The following HNRNPA2B1 variants were observed in gnomAD, a reference collection of about 807,000 sequenced individuals.
HNRNPA2B1 encodes the protein heterogeneous nuclear ribonucleoproteins A2/B1.
A neutral mutation model predicts 46.3 loss-of-function variants in HNRNPA2B1; 3 were observed. The observed-to-expected ratio is 0.06, with a 90% confidence interval of 0.03 to 0.17. The LOEUF (loss-of-function observed/expected upper bound fraction) is 0.17. HNRNPA2B1 is among the 10% of genes least tolerant of loss of function. The pLI, the probability that HNRNPA2B1 is intolerant of heterozygous loss-of-function variation, is 1.00. For synonymous variants in HNRNPA2B1, 225 were observed against 133.8 expected (o/e 1.68, Z -4.70); for missense variants, 221 against 418.9 (o/e 0.53, Z 4.12).
At position 26,197,649 on chromosome 7, in the gene HNRNPA2B1, T is replaced by C. The variant is rs1562718450; in HGVS notation, c.90A>G (p.Glu30=). The C allele has an allele frequency of 1.9e-6, 3 of 1,613,734 alleles. No individual in the cohort carries two copies. Among genetic ancestry groups the C allele is most frequent in the East Asian group, 2.2e-5 (1 of 44,858 alleles). The stretch of plus-strand genomic sequence containing the variant: ...CACAGTCTGTAAGCTTTCCCCATTG[T>C]TCGTAGTAGTTCCTCAAACTTTCTT... ...TTEESLRNYY[E]QWGKLTDCVV... Residue 30 remains glutamate (E), a synonymous_variant, in exon 2 of 11, where the codon GAA becomes GAG. Transcript: ENST00000618183.
rs1399512874 is a variant in HNRNPA2B1, at chr7:26,190,426, ACTT to A, written c.*1931_*1933del. 6.6e-6 allele frequency: 1 copy of A among 152,642 alleles called. No homozygotes were observed. Among genetic ancestry groups the A allele is most frequent in the African/African-American group, 2.4e-5 (1 of 41,464 alleles). The allele number at this position is 152,642 out of a possible 1,614,324, so 9.5% of individuals were successfully genotyped here. A position where few individuals can be genotyped will look rare whatever the true frequency, so the allele number is the denominator to read the frequency against. The stretch of plus-strand genomic sequence containing the variant: ...TTTCTTGAAGACTCTGTGGTTGACC[ACTT>A]CTTCATTAGTTACCTGCAGCAAGAC... On this transcript the variant is annotated 3_prime_UTR_variant, in exon 11 of 11. Coordinates refer to ENST00000618183, the MANE Select transcript of HNRNPA2B1 (RefSeq NM_002137.4).
intron 3 of HNRNPA2B1, 79 bp from the exon 4 acceptor site, chr7:26,197,096 T>TAC: frequency 8.2e-7 from 1 of 1,214,456 alleles, no homozygotes; most frequent in South Asian, 1.3e-5. Flanking sequence ...CGTAGTACCA[T>TAC]ACTTCGCTTG....
In HNRNPA2B1 at chr7:26,197,138, G is replaced by A. The variant is rs1004569344; in HGVS notation, c.265-121C>T. 41 of 1,100,276 alleles carry A rather than the reference G, an allele frequency of 3.7e-5. 1 individual carries two copies. In the African/African-American group the frequency reaches 5.2e-4, roughly 14 times the overall value. 68.2% of individuals were successfully genotyped at this position (1,100,276 alleles called of 1,614,324 possible). On this transcript the variant is annotated intron_variant, in intron 3 of 10. Coordinates refer to ENST00000618183, the MANE Select transcript of HNRNPA2B1 (RefSeq NM_002137.4). ...CCTTAAAACTACCAGATATAAAATA[G>A]CTTTTAGGGACCTAGCTTTTGAAAA...
rs1247121429 is a variant in HNRNPA2B1, at chr7:26,190,370, G to C, written c.*1990C>G. ...GCTTTTTAAATGAAGGCACCAACAA[G>C]AACTACTTTCAGATGGTACAGAATT... On this transcript the variant is annotated 3_prime_UTR_variant, in exon 11 of 11. Coordinates refer to ENST00000618183, the MANE Select transcript of HNRNPA2B1 (RefSeq NM_002137.4). The C allele has an allele frequency of 6.6e-6, 1 of 152,480 alleles. No homozygotes were observed. Among genetic ancestry groups the C allele is most frequent in the South Asian group, 2.1e-4 (1 of 4,828 alleles). 9.4% of individuals were successfully genotyped at this position (152,480 alleles called of 1,614,324 possible).
At chr7:26,198,577 T>C (rs1783951053) in intron 1 of HNRNPA2B1, 1 of 152,278 alleles carries the variant, frequency 6.6e-6, no homozygotes, top group African/African-American at 2.4e-5. Flanking sequence ...GCTTACTTGA[T>C]TGGCCATGTG....
Position 26,190,721 on chromosome 7 carries a change from A to T in HNRNPA2B1, c.*1639T>A. On this transcript the variant is annotated 3_prime_UTR_variant, in exon 11 of 11. Transcript: ENST00000618183. ...ATTACCACATTTAACCCACCTATTT[A>T]GTACTGGATACATACCAGGCTTCAT... The T allele has an allele frequency of 6.6e-6, 1 of 152,196 alleles. No individual in the cohort carries two copies. The allele number at this position is 152,196 out of a possible 1,614,324, so 9.4% of individuals were successfully genotyped here. A position where few individuals can be genotyped will look rare whatever the true frequency, so the allele number is the denominator to read the frequency against.
intron 9 of HNRNPA2B1, among the ~76,000 whole-genome samples, 158 bp from the exon 10 acceptor site, chr7:26,192,735 T>C (rs1182171962): frequency 6.6e-6 from 1 of 152,232 alleles, no homozygotes; most frequent in Non-Finnish European, 1.5e-5. Context: ...GGAGATAAAT[T>C]ACTCGGGTTC....
At position 26,191,393 on chromosome 7, in the gene HNRNPA2B1, TAAG is replaced by T. The variant is rs1226401299; in HGVS notation, c.*964_*966del. The T allele has an allele frequency of 1.3e-5, 2 of 152,262 alleles. No individual in the cohort carries two copies. Among genetic ancestry groups the T allele is most frequent in the East Asian group, 1.9e-4 (1 of 5,194 alleles). 9.4% of individuals were successfully genotyped at this position (152,262 alleles called of 1,614,324 possible). A position where few individuals can be genotyped will look rare whatever the true frequency, so the allele number is the denominator to read the frequency against. On this transcript the variant is annotated 3_prime_UTR_variant, in exon 11 of 11. Coordinates refer to ENST00000618183, the MANE Select transcript of HNRNPA2B1 (RefSeq NM_002137.4). Reference sequence around the variant, plus strand: ...TAGTTTATCTTTTAGGGAGGAAAATTAAGAAAGGAAAAGTAAATAAGATCTTAC... The same window carrying T: ...TAGTTTATCTTTTAGGGAGGAAAATTAAAGGAAAAGTAAATAAGATCTTAC...
At chr7:26,195,995 A>G in intron 6 of HNRNPA2B1, 86 bp from the exon 7 acceptor site, 1 of 1,496,238 alleles carries the variant, frequency 6.7e-7, no homozygotes, top group South Asian at 1.4e-5. Flanking sequence ...TTACTACCTC[A>G]GCACAATAAT....
Position 26,200,723 on chromosome 7 carries a change from A to C in HNRNPA2B1, c.-146T>G. On this transcript the variant is annotated 5_prime_UTR_variant, in exon 1 of 11. Transcript: ENST00000618183. ...ACAACTCTGCGAGGAGCACCTCCGC[A>C]CGGGACCCGGCGCTGCTGCTACTGC... 1 of 1,013,462 alleles carries C rather than the reference A, an allele frequency of 9.9e-7. No individual in the cohort carries two copies. The highest frequency in any genetic ancestry group is 1.3e-5 in the South Asian group (1 of 78,416). 62.8% of individuals were successfully genotyped at this position (1,013,462 alleles called of 1,614,324 possible).
chr7:26,200,426 C>T (rs1027618123), intron 1 of HNRNPA2B1, 146 bp downstream of exon 1: 2 of 820,522 alleles, frequency 2.4e-6, no homozygotes, highest in Admixed American at 1.7e-5. Context: ...CGCTCAAGAC[C>T]CCGTTCATAA....
intron 9 of HNRNPA2B1, 95 bp downstream of exon 9, chr7:26,193,156 G>A: frequency 7.9e-7 from 1 of 1,258,836 alleles, no homozygotes; most frequent in Admixed American, 2.1e-5. Context: ...ACTGCCCACA[G>A]TACAAACTAC....
At chr7:26,192,786 T>G (rs1229077058) in intron 9 of HNRNPA2B1, among the ~76,000 whole-genome samples, 1 of 152,186 alleles carries the variant, frequency 6.6e-6, no homozygotes. Flanking sequence ...TTCTTTTAAA[T>G]AAAGGGTCCT....
At position 26,192,545 on chromosome 7, in the gene HNRNPA2B1, C is replaced by A; in HGVS notation, c.997G>T (p.Gly333Trp). 6.2e-7 allele frequency: 1 copy of A among 1,614,076 alleles called. No homozygotes were observed. Among genetic ancestry groups the A allele is most frequent in the Non-Finnish European group, 8.5e-7 (1 of 1,179,916 alleles). ...TATCGGCTCCTCCCACCATAACCCC[C>A]ACTTCCTCCACTGCCTCCTGGACCA... ...NYGPGGSGGS[G>W]GYGGRSRY Residue 333 changes from glycine to tryptophan, a missense_variant, in exon 10 of 11, where the codon GGG becomes TGG. Physicochemically the swap from Gly to Trp is radical, Grantham distance 184. This residue lies in a region of HNRNPA2B1 where 143 missense variants were observed against 200.5 expected (regional missense o/e 0.71). Coordinates refer to ENST00000618183, the MANE Select transcript of HNRNPA2B1 (RefSeq NM_002137.4).
At position 26,191,721 on chromosome 7, in the gene HNRNPA2B1, G is replaced by A. The variant is rs969254540; in HGVS notation, c.*639C>T. On this transcript the variant is annotated 3_prime_UTR_variant, in exon 11 of 11. Transcript: ENST00000618183. ...CATAATTTAATCCTGATGAATTGCA[G>A]ACAACACACTTACATCTGACCAGCA... is the stretch of plus-strand genomic sequence containing the variant. The A allele has an allele frequency of 6.6e-6, 1 of 152,244 alleles. No homozygotes were observed. The highest frequency in any genetic ancestry group is 1.5e-5 in the Non-Finnish European group (1 of 68,016). The allele number at this position is 152,244 out of a possible 1,614,324, so 9.4% of individuals were successfully genotyped here. A position where few individuals can be genotyped will look rare whatever the true frequency, so the allele number is the denominator to read the frequency against.
chr7:26,193,736 A>C (rs1583971453), intron 7 of HNRNPA2B1, 42 bp from the exon 8 acceptor site: 1 of 1,552,858 alleles, frequency 6.4e-7, no homozygotes, highest in Non-Finnish European at 8.8e-7. Flanking sequence ...TAATATTTTC[A>C]ATACCATTTT....
chr7:26,192,586 G>A lies in HNRNPA2B1; in HGVS notation c.965-9C>T, dbSNP rs1783020044. 1.2e-6 allele frequency: 2 copies of A among 1,612,550 alleles called. No individual in the cohort carries two copies. The highest frequency in any genetic ancestry group is 1.3e-5 in the African/African-American group (1 of 74,830). ...TCCTGGACCATAGTTTCCTATAATT[G>A]TTGGAACAGCAAGAGAAAACAAACT... On this transcript the variant is annotated splice_polypyrimidine_tract_variant and intron_variant, in intron 9 of 10. Coordinates refer to ENST00000618183, the MANE Select transcript of HNRNPA2B1 (RefSeq NM_002137.4).
chr7:26,193,232 C>T lies in HNRNPA2B1; in HGVS notation c.964+19G>A, dbSNP rs367758114. 1.2e-6 allele frequency: 2 copies of T among 1,602,682 alleles called. No individual in the cohort carries two copies. The highest frequency in any genetic ancestry group is 1.7e-4 in the Middle Eastern group (1 of 6,000). On this transcript the variant is annotated intron_variant, in intron 9 of 10. Coordinates refer to ENST00000618183, the MANE Select transcript of HNRNPA2B1 (RefSeq NM_002137.4). Reference sequence around the variant, plus strand: ...CTTTAATCACAAAAATCTGAATAACCTCAATTTTTATAAATTACCTCCACC... The same window carrying T: ...CTTTAATCACAAAAATCTGAATAACTTCAATTTTTATAAATTACCTCCACC...
At chr7:26,198,023 T>C in intron 1 of HNRNPA2B1, 1 of 439,122 alleles carries the variant, frequency 2.3e-6, no homozygotes, top group Non-Finnish European at 4.0e-6. Context: ...TCTTAAATTA[T>C]TAATTAAAAA....
Sources: gnomAD v4.1 joint callset for allele counts (sites outside exome capture counted in the v4.1 genomes callset) on GRCh38, gnomAD v4.1.1 for gene constraint, gnomAD v4.1.1 regional missense constraint, MANE v1.5 for transcripts, NCBI Gene and HGNC (gene_info 2026-07-23, HGNC 2026-07-21) for gene names.